ETNK1: variants seen among roughly 807,000 people sequenced by gnomAD.
ETNK1 encodes putative protein product of Nbla10396.
ETNK1 carries 8 observed loss-of-function variants against 45.1 expected under a neutral mutation model. That is an observed-to-expected ratio of 0.18 (90% CI 0.10 to 0.32). The LOEUF is 0.32. Ranked by LOEUF, ETNK1 falls within the 10% of genes least tolerant of loss-of-function variation. The pLI is 1.00. For synonymous variants in ETNK1, 152 were observed against 151.9 expected (o/e 1.00, Z -0.01); for missense variants, 302 against 430.6 (o/e 0.70, Z 2.64).
intron 1 of ETNK1, among the ~76,000 whole-genome samples, chr12:22,633,067 G>A (rs1267660591): frequency 2.0e-5 from 3 of 151,852 alleles, no homozygotes; most frequent in South Asian, 4.1e-4. Context: ...TTTTGAACAC[G>A]AATATCCATT....
intron 4 of ETNK1, among the ~76,000 whole-genome samples, chr12:22,670,364 C>T (rs1007570538): frequency 1.5e-5 from 2 of 136,248 alleles, no homozygotes; most frequent in Non-Finnish European, 3.4e-5. Context: ...CAGTGACCCA[C>T]ATTGATTTTT....
chr12:22,625,434 G>T lies in ETNK1; in HGVS notation c.4G>T (p.Ala2Ser). The change falls in exon 1 of 8, where the codon GCC (alanine) becomes TCC (serine). Residue 2 changes from alanine (A) to serine (S), a missense_variant. This residue lies in a region of ETNK1 where 205 missense variants were observed against 259.9 expected (regional missense o/e 0.79). Coordinates refer to ENST00000266517, the MANE Select transcript of ETNK1 (RefSeq NM_018638.5). Reference sequence around the variant, plus strand: ...AGTCTCCGCCGTCGCCTGGGCCATGGCCAATTACATCCACGTCCCTCCCGG... The same window carrying T: ...AGTCTCCGCCGTCGCCTGGGCCATGTCCAATTACATCCACGTCCCTCCCGG... M[A>S]NYIHVPPGSP... The T allele has an allele frequency of 2.5e-6, 4 of 1,585,562 alleles. No homozygotes were observed. The highest frequency in any genetic ancestry group is 2.6e-6 in the Non-Finnish European group (3 of 1,167,226).
chr12:22,656,619 T>G (rs899093457), intron 2 of ETNK1: 4 of 985,438 alleles, frequency 4.1e-6, no homozygotes, highest in East Asian at 2.3e-4. Context: ...ACACCTGTTC[T>G]GAATCCAGCA....
At chr12:22,627,773 C>T (rs1177499251) in intron 1 of ETNK1, among the ~76,000 whole-genome samples, 2 of 151,892 alleles carry the variant, frequency 1.3e-5, no homozygotes, top group Non-Finnish European at 2.9e-5. Flanking sequence ...TTTTTTCTAA[C>T]ATTTTTGTAT....
At chr12:22,641,633 A>C (rs796320090) in intron 1 of ETNK1, among the ~76,000 whole-genome samples, 140 of 152,298 alleles carry the variant, frequency 9.2e-4, no homozygotes, top group African/African-American at 3.3e-3. Context: ...GTAAAACTAC[A>C]AGTTAGTAAA....
At position 22,644,009 on chromosome 12, in the gene ETNK1, C is replaced by G. The variant is rs756960167; in HGVS notation, c.403C>G (p.Pro135Ala). Residue 135 changes from proline to alanine, a missense_variant, in exon 2 of 8, where the codon CCA becomes GCA. Pro to Ala is a conservative substitution (Grantham distance 27, BLOSUM62 -1). Transcript: ENST00000266517. ...ACTGGATCCAAAGCATGTCTGCAAC[C>G]CAGCCATTTTCAGGTACATTTTCTT... ...EALDPKHVCN[P>A]AIFRLIARQL... The G allele has an allele frequency of 6.3e-7, 1 of 1,590,690 alleles. No individual in the cohort carries two copies. Among genetic ancestry groups the G allele is most frequent in the African/African-American group, 1.3e-5 (1 of 74,240 alleles).
Position 22,673,567 on chromosome 12 carries a change from C to T in ETNK1, c.852C>T (p.Tyr284=). 6.2e-7 allele frequency: 1 copy of T among 1,613,560 alleles called. No individual in the cohort carries two copies. Among genetic ancestry groups the T allele is most frequent in the Non-Finnish European group, 8.5e-7 (1 of 1,179,724 alleles). Residue 284 remains tyrosine (Y), a synonymous_variant, in exon 6 of 8, where the codon TAC becomes TAT. Coordinates refer to ENST00000266517, the MANE Select transcript of ETNK1 (RefSeq NM_018638.5). ...RELQSQWLRA[Y]LEAYKEFKGF... ...TACAGAGTCAGTGGCTGCGTGCTTA[C>T]CTTGAAGCCTACAAAGAATTTAAGG...
chr12:22,668,422 G>A (rs1458970605), intron 4 of ETNK1, among the ~76,000 whole-genome samples: 1 of 152,194 alleles, frequency 6.6e-6, no homozygotes, highest in Non-Finnish European at 1.5e-5. Context: ...ACTAAGGGAA[G>A]TTGGCTTTTT....
intron 6 of ETNK1, among the ~76,000 whole-genome samples, chr12:22,675,322 G>A (rs1954149588): frequency 6.6e-6 from 1 of 151,758 alleles, no homozygotes; most frequent in Admixed American, 6.6e-5. Flanking sequence ...GCCTCCCAAA[G>A]TGCTGGGAAT....
intron 4 of ETNK1, among the ~76,000 whole-genome samples, chr12:22,664,927 C>G (rs527707109): frequency 2.6e-5 from 4 of 151,944 alleles, no homozygotes; most frequent in Non-Finnish European, 5.9e-5. Flanking sequence ...TGTTTCAGAC[C>G]CTTAATTTCT....
At chr12:22,637,751 C>T (rs1235412482) in intron 1 of ETNK1, among the ~76,000 whole-genome samples, 2 of 152,112 alleles carry the variant, frequency 1.3e-5, no homozygotes, top group African/African-American at 4.8e-5. Context: ...TACAGTATAT[C>T]TCATTTTGGG....
chr12:22,654,326 C>G lies in ETNK1; in HGVS notation c.417-4688C>G, dbSNP rs145071666. On this transcript the variant is annotated intron_variant, in intron 2 of 7. Transcript: ENST00000266517. ...CCAGTAATTCTGAGACCTGTAGATA[C>G]TGGCTTGAATTCTGGAGTGTGAGAA... Among the ~76,000 whole-genome samples the G allele has an allele frequency of 5.5e-3, 838 of 152,234 alleles. 6 individuals carry two copies. Among genetic ancestry groups the G allele is most frequent in the African/African-American group, 0.019 (796 of 41,546 alleles).
chr12:22,632,335 T>C (rs1953590533), intron 1 of ETNK1, among the ~76,000 whole-genome samples: 1 of 152,032 alleles, frequency 6.6e-6, no homozygotes, highest in Non-Finnish European at 1.5e-5. Context: ...CCTAAACATA[T>C]TTTACATAGT....
At chr12:22,644,221 T>A (rs1390020673) in intron 2 of ETNK1, 199 bp downstream of exon 2, 1 of 1,604,426 alleles carries the variant, frequency 6.2e-7, no homozygotes, top group African/African-American at 1.3e-5. Flanking sequence ...TTTATCATCG[T>A]TGACTCTTTG....
At chr12:22,676,064 G>A (rs959645075) in intron 6 of ETNK1, among the ~76,000 whole-genome samples, 6 of 152,040 alleles carry the variant, frequency 3.9e-5, no homozygotes, top group Non-Finnish European at 8.8e-5. Flanking sequence ...GAACCTGCAG[G>A]TTTGTTACAT....
At chr12:22,656,557 G>C (rs550529675) in intron 2 of ETNK1, 1 of 985,158 alleles carries the variant, frequency 1.0e-6, no homozygotes, top group Non-Finnish European at 1.2e-6. Flanking sequence ...CTACTGTGCC[G>C]AGCCCTCCAG....
chr12:22,666,974 A>G (rs1294704698), intron 4 of ETNK1, among the ~76,000 whole-genome samples: 1 of 152,210 alleles, frequency 6.6e-6, no homozygotes, highest in Admixed American at 6.5e-5. Flanking sequence ...ATTTAAATAA[A>G]TACAAATTGA....
chr12:22,654,396 A>G (rs1953915108), intron 2 of ETNK1, among the ~76,000 whole-genome samples: 1 of 152,244 alleles, frequency 6.6e-6, no homozygotes, highest in African/African-American at 2.4e-5. Context: ...AGTATTTTAA[A>G]TGGATGCTCA....
At chr12:22,633,721 T>A (rs1431648748) in intron 1 of ETNK1, among the ~76,000 whole-genome samples, 1 of 152,152 alleles carries the variant, frequency 6.6e-6, no homozygotes, top group Non-Finnish European at 1.5e-5. Context: ...ACTGTGGAGA[T>A]CTCACGTGTT....
Sources: gnomAD v4.1 joint callset for allele counts (sites outside exome capture counted in the v4.1 genomes callset) on GRCh38, gnomAD v4.1.1 for gene constraint, gnomAD v4.1.1 regional missense constraint, MANE v1.5 for transcripts, NCBI Gene and HGNC (gene_info 2026-07-23, HGNC 2026-07-21) for gene names.